Variants in LYPLA1 observed in about 807,000 individuals in gnomAD.
LYPLA1 encodes the protein acyl-protein thioesterase 1.
In LYPLA1, 17 loss-of-function variants were observed where a neutral mutation model predicts 34.0. That is an observed-to-expected ratio of 0.50 (90% confidence interval 0.34 to 0.75). LYPLA1 has a LOEUF of 0.75. LYPLA1 is among the 30% of genes least tolerant of loss of function. LYPLA1 has a pLI of 0.01. For synonymous variants in LYPLA1, 98 were observed against 100.8 expected (o/e 0.97, Z 0.17); for missense variants, 203 against 288.8 (o/e 0.70, Z 2.15).
chr8:54,075,600 A>G (rs1563620360), intron 2 of LYPLA1, among the ~76,000 whole-genome samples: 1 of 152,238 alleles, frequency 6.6e-6, no homozygotes, highest in Non-Finnish European at 1.5e-5. Context: ...ATTTAAAGGT[A>G]GCTATGATAG....
At chr8:54,074,778 T>C (rs1251165713) in intron 2 of LYPLA1, among the ~76,000 whole-genome samples, 4 of 152,236 alleles carry the variant, frequency 2.6e-5, no homozygotes, top group African/African-American at 9.6e-5. Context: ...GGCAAATGGA[T>C]GTCACACATA....
intron 3 of LYPLA1, among the ~76,000 whole-genome samples, chr8:54,064,258 T>C (rs1004685962): frequency 9.2e-5 from 1 of 10,850 alleles, no homozygotes; most frequent in Non-Finnish European, 1.6e-4. Context: ...CTATTAAAAA[T>C]ACAAAAAATT....
At chr8:54,085,479 G>A (rs1371378522) in intron 2 of LYPLA1, among the ~76,000 whole-genome samples, 2 of 151,804 alleles carry the variant, frequency 1.3e-5, no homozygotes, top group Non-Finnish European at 2.9e-5. Flanking sequence ...CCTCTGCCCA[G>A]TCTGGGAAGT....
intron 5 of LYPLA1, among the ~76,000 whole-genome samples, chr8:54,056,973 C>T (rs1169087862): frequency 6.6e-6 from 1 of 152,092 alleles, no homozygotes; most frequent in East Asian, 1.9e-4. Context: ...GAAAAGATGA[C>T]ATAAAAATGG....
At chr8:54,078,064 C>T (rs747937368) in intron 2 of LYPLA1, among the ~76,000 whole-genome samples, 2 of 152,098 alleles carry the variant, frequency 1.3e-5, no homozygotes, top group Non-Finnish European at 1.5e-5. Context: ...AATTCTCGTG[C>T]CTTAGCCTCC....
intron 5 of LYPLA1, among the ~76,000 whole-genome samples, chr8:54,060,177 G>A (rs980210136): frequency 1.3e-5 from 2 of 152,008 alleles, no homozygotes; most frequent in African/African-American, 4.8e-5. Flanking sequence ...CCAGGCTGGA[G>A]TGCAACAGTG....
chr8:54,080,342 G>C (rs1283973130), intron 2 of LYPLA1, among the ~76,000 whole-genome samples: 1 of 152,132 alleles, frequency 6.6e-6, no homozygotes, highest in Non-Finnish European at 1.5e-5. Flanking sequence ...GGGCAACAAA[G>C]CAAGACTCTG....
intron 2 of LYPLA1, among the ~76,000 whole-genome samples, chr8:54,067,067 G>A (rs1807118948): frequency 6.6e-6 from 1 of 152,032 alleles, no homozygotes; most frequent in African/African-American, 2.4e-5. Flanking sequence ...CTACTCAGGA[G>A]GCTGAGGCAG....
downstream of LYPLA1, chr8:54,045,538 T>G (rs1004899989): frequency 6.6e-6 from 1 of 152,230 alleles, no homozygotes; most frequent in Non-Finnish European, 1.5e-5. Context: ...ACAACATATT[T>G]GGTCCAGAAT....
chr8:54,091,648 T>A (rs993702141), intron 2 of LYPLA1, among the ~76,000 whole-genome samples: 1 of 151,722 alleles, frequency 6.6e-6, no homozygotes, highest in Admixed American at 6.6e-5. Context: ...AACCCTTATA[T>A]GAGAAAAAGA....
intron 2 of LYPLA1, among the ~76,000 whole-genome samples, chr8:54,079,374 T>C (rs1489605654): frequency 1.3e-5 from 2 of 152,136 alleles, no homozygotes; most frequent in Admixed American, 1.3e-4. Flanking sequence ...ATAAGCAATA[T>C]TTTGCAGCAA....
chr8:54,064,357 C>T (rs1806889375), intron 3 of LYPLA1, among the ~76,000 whole-genome samples: 1 of 151,996 alleles, frequency 6.6e-6, no homozygotes, highest in South Asian at 2.1e-4. Context: ...GCAGAGGTTG[C>T]AGTAAACCAG....
intron 1 of LYPLA1, among the ~76,000 whole-genome samples, chr8:54,101,153 G>T (rs958376307): frequency 1.3e-5 from 2 of 150,560 alleles, no homozygotes; most frequent in Admixed American, 6.6e-5. Flanking sequence ...AATGGGGGGG[G>T]GGTAGCACTG....
chr8:54,070,751 G>A (rs1364862769), intron 2 of LYPLA1, among the ~76,000 whole-genome samples: 1 of 152,072 alleles, frequency 6.6e-6, no homozygotes, highest in Non-Finnish European at 1.5e-5. Context: ...AATAAAATGA[G>A]GCACAGCCAT....
intron 2 of LYPLA1, among the ~76,000 whole-genome samples, chr8:54,086,126 C>G (rs1808746699): frequency 6.6e-6 from 1 of 152,028 alleles, no homozygotes; most frequent in Non-Finnish European, 1.5e-5. Context: ...TATAACCTTA[C>G]CCCCAACCCC....
At position 54,062,239 on chromosome 8, in the gene LYPLA1, AT is replaced by A. The variant is rs751307303; in HGVS notation, c.286+14del. 21 of 1,558,030 alleles carry A rather than the reference AT, an allele frequency of 1.3e-5. No individual in the cohort carries two copies. The highest frequency in any genetic ancestry group is 1.8e-5 in the Non-Finnish European group (20 of 1,137,854). ...TAAGAACACTTTTGGCTTTATAAAC[AT>A]TTTCTGTACTTACTATTTTCTGCTG... is the stretch of plus-strand genomic sequence containing the variant. On this transcript the variant is annotated intron_variant, in intron 5 of 8. Transcript: ENST00000316963.
At chr8:54,093,458 A>T (rs1809460423) in intron 2 of LYPLA1, among the ~76,000 whole-genome samples, 1 of 152,218 alleles carries the variant, frequency 6.6e-6, no homozygotes, top group African/African-American at 2.4e-5. Context: ...CCTGAGGCCA[A>T]GGAAAGCCGG....
chr8:54,064,509 C>G (rs1407003316), intron 3 of LYPLA1, among the ~76,000 whole-genome samples: 2 of 152,146 alleles, frequency 1.3e-5, no homozygotes, highest in Non-Finnish European at 2.9e-5. Flanking sequence ...TTCACTGTAG[C>G]CTAGAGGTAA....
At chr8:54,100,856 A>G in intron 2 of LYPLA1, 52 bp downstream of exon 2, 13 of 1,462,718 alleles carry the variant, frequency 8.9e-6, no homozygotes, top group Non-Finnish European at 1.2e-5. Context: ...CGTAAACAAA[A>G]GTTGCATGAC....
Sources: gnomAD v4.1 joint callset for allele counts (sites outside exome capture counted in the v4.1 genomes callset) on GRCh38, gnomAD v4.1.1 for gene constraint, MANE v1.5 for transcripts, NCBI Gene and HGNC (gene_info 2026-07-23, HGNC 2026-07-21) for gene names.